The following AKNA variants were observed in gnomAD, a reference collection of about 807,000 sequenced individuals.
The protein encoded by AKNA is microtubule organization protein AKNA.
In AKNA, 67 loss-of-function variants were observed where a neutral mutation model predicts 138.8. The observed-to-expected ratio is 0.48, with a 90% CI of 0.40 to 0.59. The LOEUF (loss-of-function observed/expected upper bound fraction) is 0.59. Ranked by LOEUF, AKNA falls within the 20% of genes least tolerant of loss-of-function variation. The pLI, the probability that AKNA is intolerant of heterozygous loss-of-function variation, is 0.00. For missense variants in AKNA, 1,813 were observed against 1,880.4 expected (o/e 0.96, Z 0.66); for synonymous variants, 737 against 754.4 (o/e 0.98, Z 0.38).
intron 9 of AKNA, among the ~76,000 whole-genome samples, chr9:114,361,242 G>T (rs1831933457): frequency 6.6e-6 from 1 of 151,888 alleles, no homozygotes; most frequent in Admixed American, 6.6e-5. Context: ...TAGCCACAGG[G>T]CCTTTGCACA....
At chr9:114,337,901 T>C (rs1830104776) in intron 21 of AKNA, among the ~76,000 whole-genome samples, 1 of 151,974 alleles carries the variant, frequency 6.6e-6, no homozygotes, top group South Asian at 2.1e-4. Flanking sequence ...GAATGTGAGG[T>C]GTTGTTTTAA....
At chr9:114,331,467 G>A, downstream of AKNA, 1 of 940,240 alleles carries the variant, frequency 1.1e-6, no homozygotes, top group South Asian at 1.6e-5. Context: ...CTTCACTGAT[G>A]GGCTTTGTGG....
upstream of AKNA, among the ~76,000 whole-genome samples, chr9:114,395,927 C>A (rs1834519059): frequency 1.3e-5 from 2 of 152,050 alleles, no homozygotes; most frequent in South Asian, 4.1e-4. Context: ...CCCTGCACAC[C>A]CCAAAGTAAG....
chr9:114,355,865 G>T (rs1831461123), intron 14 of AKNA, 60 bp downstream of exon 14: 1 of 1,548,304 alleles, frequency 6.5e-7, no homozygotes, highest in Non-Finnish European at 8.8e-7. Context: ...GGTTCTGCAA[G>T]TTTTTCTATT....
chr9:114,330,535 C>A (rs1178016562), downstream of AKNA: 1 of 1,612,652 alleles, frequency 6.2e-7, no homozygotes, highest in Non-Finnish European at 8.5e-7. Context: ...TTACCCCCAA[C>A]AAGACAGAGG....
rs901123652 is a variant in AKNA at position 114,347,152 on chromosome 9, A to T, written c.3399-368T>A. ...CGAATTAATGGGTGAGAGTGAAGGC[A>T]TGCTGGCAATGTTCTAACTCTTTGG... On this transcript the variant is annotated intron_variant, in intron 16 of 21. Transcript: ENST00000374088. Among the ~76,000 whole-genome samples the T allele has an allele frequency of 3.3e-5, 5 of 152,218 alleles. No homozygotes were observed. The East Asian group carries it at 7.7e-4, about 23-fold the overall frequency.
intron 14 of AKNA, 26 bp downstream of exon 14, chr9:114,355,899 T>C: frequency 6.2e-7 from 1 of 1,610,242 alleles, no homozygotes; most frequent in East Asian, 2.2e-5. Flanking sequence ...CATGCAGTTC[T>C]GTCCAAGTCA....
chr9:114,349,969 G>A (rs534367380), intron 15 of AKNA, among the ~76,000 whole-genome samples: 25 of 152,264 alleles, frequency 1.6e-4, no homozygotes, highest in African/African-American at 5.5e-4. Context: ...ATGCTCCTTC[G>A]CTGTGCTCCC....
At chr9:114,347,974 G>C in intron 15 of AKNA, 74 bp from the exon 16 acceptor site, 1 of 1,490,314 alleles carries the variant, frequency 6.7e-7, no homozygotes, top group Non-Finnish European at 9.0e-7. Context: ...GAGTATGCCA[G>C]GATGCGGCAG....
intron 14 of AKNA, among the ~76,000 whole-genome samples, chr9:114,352,384 GGT>G (rs1367854328): frequency 6.6e-6 from 1 of 150,834 alleles, no homozygotes; most frequent in Non-Finnish European, 1.5e-5. Context: ...GATCACTTGA[GGT>G]CAGGAGTTTG....
At chr9:114,355,583 C>G (rs980977228) in intron 14 of AKNA, among the ~76,000 whole-genome samples, 1 of 152,180 alleles carries the variant, frequency 6.6e-6, no homozygotes, top group Non-Finnish European at 1.5e-5. Context: ...ACATCGCAAC[C>G]AAAGGAATTT....
chr9:114,389,613 G>C (rs1188161109), upstream of AKNA, among the ~76,000 whole-genome samples: 3 of 152,008 alleles, frequency 2.0e-5, no homozygotes, highest in African/African-American at 7.3e-5. Flanking sequence ...ACCAAGGGTA[G>C]AGCGGGGGAG....
chr9:114,381,518 C>T, intron 1 of AKNA, 72 bp from the exon 2 acceptor site: 1 of 1,272,060 alleles, frequency 7.9e-7, no homozygotes, highest in Non-Finnish European at 9.9e-7. Flanking sequence ...CAAGAAGTTA[C>T]CAGCAGGAAC....
intron 1 of AKNA, among the ~76,000 whole-genome samples, chr9:114,384,968 G>C (rs1239316606): frequency 6.6e-6 from 1 of 152,132 alleles, no homozygotes; most frequent in East Asian, 1.9e-4. Flanking sequence ...TCCCACCTCG[G>C]CCTCCTGAGT....
At chr9:114,367,517 G>A (rs756606383) in intron 6 of AKNA, 26 bp downstream of exon 6, 149 of 1,609,854 alleles carry the variant, frequency 9.3e-5, no homozygotes, top group East Asian at 2.2e-5. Context: ...TAAGTCTCTC[G>A]GGGGCAAAGC....
upstream of AKNA, among the ~76,000 whole-genome samples, chr9:114,389,268 G>T (rs758303264): frequency 6.2e-4 from 94 of 152,026 alleles, no homozygotes; most frequent in Non-Finnish European, 1.0e-3. Context: ...GCGGGCACAG[G>T]AGCACAAGAG....
At chr9:114,380,945 T>C in intron 2 of AKNA, 115 bp downstream of exon 2, 2 of 1,233,734 alleles carry the variant, frequency 1.6e-6, no homozygotes, top group Non-Finnish European at 2.1e-6. Flanking sequence ...ATCGTGCCAC[T>C]GCACTCCAGC....
chr9:114,361,970 C>T, intron 8 of AKNA, 59 bp from the exon 9 acceptor site: 2 of 1,565,880 alleles, frequency 1.3e-6, no homozygotes, highest in Non-Finnish European at 1.7e-6. Context: ...CAGGCAGGTC[C>T]AGGAACAGAG....
rs766661574 is a variant in AKNA, at chr9:114,368,446, C to T, written c.1566G>A (p.Ala522=). 6 of 1,321,028 alleles carry T rather than the reference C, an allele frequency of 4.5e-6. No homozygotes were observed. Among genetic ancestry groups the T allele is most frequent in the Non-Finnish European group, 3.9e-6 (4 of 1,026,030 alleles). 81.8% of individuals were successfully genotyped at this position (1,321,028 alleles called of 1,614,324 possible). A position where few individuals can be genotyped will look rare whatever the true frequency, so the allele number is the denominator to read the frequency against. The change falls in exon 5 of 22, where the codon GCG becomes GCA. Residue 522 remains alanine, a synonymous_variant. Coordinates refer to ENST00000374088, the MANE Select transcript of AKNA (RefSeq NM_001317950.2). ...PGPAEDPQAS[A]ASGWPSARGD... is the part of the protein sequence containing the mutation. ...CTCTTCTCCCGGACTCACCTGAGGC[C>T]GCAGAGGCCTGGGGGTCCTCGGCCG...
Sources: allele counts gnomAD v4.1 joint callset (sites outside exome capture counted in the v4.1 genomes callset), GRCh38; gene constraint gnomAD v4.1.1; transcripts MANE v1.5; gene names NCBI Gene and HGNC (gene_info 2026-07-23, HGNC 2026-07-21).